The following PLS1 variants were observed in gnomAD, a reference collection of about 807,000 sequenced individuals.
PLS1 encodes plastin-1.
A neutral mutation model predicts 73.7 loss-of-function variants in PLS1; 32 were observed. The observed-to-expected ratio is 0.43, with a 90% CI of 0.33 to 0.58. The LOEUF is 0.58. Ranked by LOEUF, PLS1 falls within the 20% of genes least tolerant of loss-of-function variation. The pLI, the probability that PLS1 is intolerant of heterozygous loss-of-function variation, is 0.04. For missense variants in PLS1, 633 were observed against 740.5 expected, an observed-to-expected ratio of 0.85 and a Z score of 1.68; for synonymous variants, 217 against 261.3, an observed-to-expected ratio of 0.83 and a Z score of 1.63.
intron 10 of PLS1, among the ~76,000 whole-genome samples, chr3:142,691,872 C>T (rs1577899002): frequency 1.3e-5 from 2 of 152,120 alleles, no homozygotes; most frequent in Admixed American, 6.6e-5. Flanking sequence ...ATTAAACGCT[C>T]ACATCAAATT....
At chr3:142,708,236 ATTTG>A (rs1377895237) in intron 14 of PLS1, among the ~76,000 whole-genome samples, 6 of 151,768 alleles carry the variant, frequency 4.0e-5, no homozygotes, top group Non-Finnish European at 8.8e-5. Flanking sequence ...TTCCAGATTT[ATTTG>A]TTTATTTTAT....
intron 4 of PLS1, among the ~76,000 whole-genome samples, chr3:142,674,598 C>G (rs2037679929): frequency 6.6e-6 from 1 of 152,028 alleles, no homozygotes; most frequent in African/African-American, 2.4e-5. Flanking sequence ...TCCTATTTTC[C>G]CCACTGCATA....
intron 1 of PLS1, among the ~76,000 whole-genome samples, chr3:142,607,156 T>A (rs940443527): frequency 6.6e-6 from 1 of 152,158 alleles, no homozygotes; most frequent in African/African-American, 2.4e-5. Context: ...CACATTGTAG[T>A]GACTTAAAAA....
At position 142,675,281 on chromosome 3, in the gene PLS1, T is replaced by C. The variant is rs1481629639; in HGVS notation, c.365-876T>C. On this transcript the variant is annotated intron_variant, in intron 4 of 15. Coordinates refer to ENST00000457734, the MANE Select transcript of PLS1 (RefSeq NM_001145319.2). ...CATTAGCTTTCAGAAGCAATACATA[T>C]TTGGAAATATTTTTGAATCAAACCA... is the stretch of plus-strand genomic sequence containing the variant. 2.0e-5 allele frequency among the ~76,000 whole-genome samples: 3 copies of C among 152,338 alleles called. No homozygotes were observed. In the East Asian group the frequency reaches 5.8e-4, roughly 29 times the overall value.
intron 1 of PLS1, among the ~76,000 whole-genome samples, chr3:142,625,406 C>T (rs2036402010): frequency 6.6e-6 from 1 of 152,026 alleles, no homozygotes; most frequent in African/African-American, 2.4e-5. Flanking sequence ...ATGTTTCCAA[C>T]TCAGTTCTCG....
At chr3:142,677,039 C>A (rs1477661523) in intron 5 of PLS1, among the ~76,000 whole-genome samples, 1 of 152,040 alleles carries the variant, frequency 6.6e-6, no homozygotes, top group African/African-American at 2.4e-5. Flanking sequence ...ACCTTGACCT[C>A]CACCTACAAT....
At position 142,669,567 on chromosome 3, in the gene PLS1, T is replaced by TGA; in HGVS notation, c.234+14_234+15insGA. 1 of 1,596,590 alleles carries TGA rather than the reference T, an allele frequency of 6.3e-7. No homozygotes were observed. The highest frequency in any genetic ancestry group is 8.6e-7 in the Non-Finnish European group (1 of 1,167,326). ...GAGTTTGTGTCAGTAAGTAATCTAA[T>TGA]CCTTTCGGGCTACTGATAATCTTGC... On this transcript the variant is annotated intron_variant, in intron 3 of 15. Transcript: ENST00000457734.
intron 1 of PLS1, among the ~76,000 whole-genome samples, chr3:142,628,597 T>C (rs936759281): frequency 3.3e-5 from 5 of 152,228 alleles, no homozygotes; most frequent in African/African-American, 1.2e-4. Context: ...AACACTTAAA[T>C]GTGAAATGTA....
In PLS1 at chr3:142,642,178, A is replaced by G. The variant is rs1459331185; in HGVS notation, c.-36-22024A>G. ...TTCTTTGCACAGGTGTATACTTTAA[A>G]CAAAGTTGGGAATATACTATACTTA... On this transcript the variant is annotated intron_variant, in intron 1 of 15. Coordinates refer to ENST00000457734, the MANE Select transcript of PLS1 (RefSeq NM_001145319.2). Among the ~76,000 whole-genome samples the G allele has an allele frequency of 3.9e-5, 6 of 152,110 alleles. No individual in the cohort carries two copies. In the East Asian group the frequency reaches 9.6e-4, roughly 24 times the overall value.
chr3:142,612,470 C>T (rs111741338), intron 1 of PLS1, among the ~76,000 whole-genome samples: 2,173 of 152,302 alleles, frequency 0.014, 58 homozygotes, highest in African/African-American at 0.049. Context: ...TTCATCATCC[C>T]GGTGGCTCAT....
chr3:142,637,436 A>T (rs1388705943), intron 1 of PLS1, among the ~76,000 whole-genome samples: 2 of 152,200 alleles, frequency 1.3e-5, no homozygotes, highest in Admixed American at 1.3e-4. Context: ...AATCATAGAC[A>T]TGTTCACTTT....
chr3:142,625,304 T>A (rs1474054097), intron 1 of PLS1, among the ~76,000 whole-genome samples: 7 of 152,294 alleles, frequency 4.6e-5, no homozygotes, highest in African/African-American at 1.7e-4. Flanking sequence ...CTCAATTGCT[T>A]TAAGAATTAT....
chr3:142,681,420 A>G (rs1389653895), intron 6 of PLS1, among the ~76,000 whole-genome samples: 3 of 152,236 alleles, frequency 2.0e-5, no homozygotes, highest in Admixed American at 1.3e-4. Flanking sequence ...AAGAATGGTA[A>G]TTTCTATTAG....
intron 10 of PLS1, among the ~76,000 whole-genome samples, chr3:142,690,312 T>G (rs542855735): frequency 3.9e-5 from 6 of 152,328 alleles, no homozygotes; most frequent in Admixed American, 3.3e-4. Context: ...ATTTGACCCC[T>G]CCTAATGTAG....
intron 1 of PLS1, among the ~76,000 whole-genome samples, chr3:142,648,676 T>G (rs1412939193): frequency 6.6e-6 from 1 of 152,244 alleles, no homozygotes; most frequent in Non-Finnish European, 1.5e-5. Flanking sequence ...CCAATTTTTT[T>G]GAGAAGCTGT....
rs368127374 is a variant in PLS1 at position 142,704,470 on chromosome 3, T to C, written c.1513T>C (p.Leu505=). The part of the protein sequence containing the change: ...LVWQLMRRYT[L]NVLSDLGEGE... ...ACATCTTTTCTGTTGCAGGTACACA[T>C]TGAATGTGTTATCGGATCTTGGAGA... Residue 505 remains leucine (L), a synonymous_variant, in exon 14 of 16, where the codon TTG becomes CTG. Transcript: ENST00000457734. 1.0e-5 allele frequency: 16 copies of C among 1,603,332 alleles called. No homozygotes were observed. The highest frequency in any genetic ancestry group is 8.1e-5 in the African/African-American group (6 of 74,514).
At chr3:142,605,489 T>C (rs1231200490) in intron 1 of PLS1, among the ~76,000 whole-genome samples, 2 of 152,144 alleles carry the variant, frequency 1.3e-5, no homozygotes, top group African/African-American at 2.4e-5. Context: ...TCCTGCTTCA[T>C]CCTCCCCAGT....
At chr3:142,687,437 G>A (rs1049657492) in intron 9 of PLS1, among the ~76,000 whole-genome samples, 36 of 152,072 alleles carry the variant, frequency 2.4e-4, no homozygotes, top group African/African-American at 8.2e-4. Flanking sequence ...TGGTTTTAAA[G>A]GCAACTTGAG....
intron 1 of PLS1, among the ~76,000 whole-genome samples, chr3:142,611,771 G>A (rs2036125435): frequency 6.6e-6 from 1 of 152,004 alleles, no homozygotes; most frequent in African/African-American, 2.4e-5. Context: ...CACCAATATT[G>A]AAAATAATAC....
Sources: allele counts gnomAD v4.1 joint callset (sites outside exome capture counted in the v4.1 genomes callset), GRCh38; gene constraint gnomAD v4.1.1; transcripts MANE v1.5; gene names NCBI Gene and HGNC (gene_info 2026-07-23, HGNC 2026-07-21).